The following HRC variants were observed in gnomAD, a reference collection of about 807,000 sequenced individuals.
The protein encoded by HRC is histidine rich calcium binding protein.
In HRC, 41 loss-of-function variants were observed where a neutral mutation model predicts 61.4. The observed-to-expected ratio is 0.67, with a 90% CI of 0.52 to 0.87. The LOEUF (loss-of-function observed/expected upper bound fraction) is 0.87. Among genes scored for constraint, HRC ranks in the 40% least tolerant of loss-of-function variants. The probability of loss-of-function intolerance (pLI) is 0.00; values close to 1 mark genes in which losing one functional copy is unlikely to be tolerated. For missense variants in HRC, 839 were observed against 885.8 expected (o/e 0.95, Z 0.67); for synonymous variants, 308 against 326.6 (o/e 0.94, Z 0.62).
In HRC at chr19:49,155,356, G is replaced by T; in HGVS notation, c.-119C>A. Reference sequence around the variant, plus strand: ...CTCTGTGTCTCTCCTTTGTCCTTTCGGTCTCTGTCCACCTTCCTCTGGTCC... The same window carrying T: ...CTCTGTGTCTCTCCTTTGTCCTTTCTGTCTCTGTCCACCTTCCTCTGGTCC... On this transcript the variant is annotated 5_prime_UTR_variant, in exon 1 of 6. Coordinates refer to ENST00000252825, the MANE Select transcript of HRC (RefSeq NM_002152.3). This position sits in a 1 kb window ranked among gnomAD's most constrained non-coding sequence, Gnocchi z 4.7. 1 of 1,362,992 alleles carries T rather than the reference G, an allele frequency of 7.3e-7. No individual in the cohort carries two copies. The highest frequency in any genetic ancestry group is 9.7e-7 in the Non-Finnish European group (1 of 1,034,610). The allele number at this position is 1,362,992 out of a possible 1,614,324, so 84.4% of individuals were successfully genotyped here.
rs538188854 is a variant in HRC, at chr19:49,151,308, C to G, written c.2088G>C (p.Thr696=). ...LYQALADMLE[T]PEP ...TCGAGCGACTGGGTCAGGGTTCCGG[C>G]GTTTCCAGCATGTCTGCCAGGGCCC... The change falls in exon 6 of 6, where the codon ACG becomes ACC. Residue 696 remains threonine, a synonymous_variant. Coordinates refer to ENST00000252825, the MANE Select transcript of HRC (RefSeq NM_002152.3). 13 of 1,557,768 alleles carry G rather than the reference C, an allele frequency of 8.3e-6. No individual in the cohort carries two copies. In the African/African-American group the frequency reaches 1.6e-4, roughly 20 times the overall value.
chr19:49,152,102 C>T (rs754597304), intron 3 of HRC, 44 bp from the exon 4 acceptor site: 20 of 1,579,270 alleles, frequency 1.3e-5, no homozygotes, highest in Non-Finnish European at 1.7e-5. Context: ...GGGGCGTGGC[C>T]GGGGGCGGAG....
In HRC at chr19:49,153,780, C is replaced by G; in HGVS notation, c.1458G>C (p.Lys486Asn). ...HLRKDDSEEE[K>N]EKEEDPGSHE... is the part of the protein sequence containing the mutation. ...GGGAGCCGGGGTCCTCTTCCTTCTCCTTTTCCTCCTCAGAATCATCCTTCC... is the reference window on the plus strand; with the variant it reads ...GGGAGCCGGGGTCCTCTTCCTTCTCGTTTTCCTCCTCAGAATCATCCTTCC... The change falls in exon 1 of 6, where the codon AAG (lysine) becomes AAC (asparagine). Residue 486 changes from lysine to asparagine, a missense_variant. Transcript: ENST00000252825. The surrounding 1 kb of genome is among the most constrained non-coding windows in gnomAD (Gnocchi z 4.8). 1 of 1,614,120 alleles carries G rather than the reference C, an allele frequency of 6.2e-7. No individual in the cohort carries two copies. The highest frequency in any genetic ancestry group is 1.3e-5 in the African/African-American group (1 of 75,022).
rs2041369435 is a variant in HRC, at chr19:49,152,351, A to G, written c.1930T>C (p.Cys644Arg). The change falls in exon 3 of 6, where the codon TGT (cysteine) becomes CGT (arginine). Residue 644 changes from cysteine to arginine, a missense_variant. Coordinates refer to ENST00000252825, the MANE Select transcript of HRC (RefSeq NM_002152.3). ...NRCTECESCH[C>R]DEENMGEHCD... ...TGCTCACCCATGTTCTCCTCATCAC[A>G]GTGACAGCTCTCACATTCAGTGCAT... 1 of 1,613,638 alleles carries G rather than the reference A, an allele frequency of 6.2e-7. No individual in the cohort carries two copies. Among genetic ancestry groups the G allele is most frequent in the African/African-American group, 1.3e-5 (1 of 74,868 alleles).
rs749165705 is a variant in HRC at position 49,154,822 on chromosome 19, C to A, written c.416G>T (p.Ser139Ile). 4 of 1,614,122 alleles carry A rather than the reference C, an allele frequency of 2.5e-6. No homozygotes were observed. Among genetic ancestry groups the A allele is most frequent in the Non-Finnish European group, 3.4e-6 (4 of 1,179,990 alleles). Residue 139 changes from serine to isoleucine, a missense_variant, in exon 1 of 6, where the codon AGT becomes ATT. Ser to Ile is a moderately radical substitution (Grantham distance 142). Coordinates refer to ENST00000252825, the MANE Select transcript of HRC (RefSeq NM_002152.3). ...GQARGHRGHG[S>I]EDTEDSAEHR... ...CTCAGCTGAGTCTTCCGTGTCTTCA[C>A]TCCCGTGGCCTCTGTGCCCACGGGC...
Position 49,153,846 on chromosome 19 carries a change from G to GT in HRC, c.1391dup (p.His464GlnfsTer11). On this transcript the variant is annotated frameshift_variant, in exon 1 of 6. Coordinates refer to ENST00000252825, the MANE Select transcript of HRC (RefSeq NM_002152.3). LOFTEE classifies it high-confidence loss of function. The surrounding 1 kb of genome is among the most constrained non-coding windows in gnomAD (Gnocchi z 4.8). ...CCTTGACCACTGTGTGTCCTGGGGG[G>GT]TGATGGCTCATCTCTTTGATGGACC... 1 of 1,614,040 alleles carries GT rather than the reference G, an allele frequency of 6.2e-7. No homozygotes were observed. Among genetic ancestry groups the GT allele is most frequent in the Middle Eastern group, 1.6e-4 (1 of 6,062 alleles).
In HRC at chr19:49,153,174, C is replaced by T. The variant is rs1219342561; in HGVS notation, c.1902+87G>A. Reference sequence around the variant, plus strand: ...CAGAACTGACCCTGGCCTGCCCTTGCTCTGAGCCCTCCCACAGCACCACCC... The same window carrying T: ...CAGAACTGACCCTGGCCTGCCCTTGTTCTGAGCCCTCCCACAGCACCACCC... On this transcript the variant is annotated intron_variant, in intron 2 of 5. Coordinates refer to ENST00000252825, the MANE Select transcript of HRC (RefSeq NM_002152.3). The surrounding 1 kb of genome is among the most constrained non-coding windows in gnomAD (Gnocchi z 4.8). 1.0e-6 allele frequency: 1 copy of T among 988,852 alleles called. No homozygotes were observed. The highest frequency in any genetic ancestry group is 1.6e-5 in the African/African-American group (1 of 62,794). 61.3% of individuals were successfully genotyped at this position (988,852 alleles called of 1,614,324 possible).
chr19:49,153,451 T>A lies in HRC; in HGVS notation c.1787A>T (p.Glu596Val), dbSNP rs1181638851. The A allele has an allele frequency of 2.5e-6, 4 of 1,603,528 alleles. No homozygotes were observed. Among genetic ancestry groups the A allele is most frequent in the Non-Finnish European group, 3.4e-6 (4 of 1,173,580 alleles). ...IIPNPLDRRE[E>V]AGGASSEEES... is the part of the protein sequence containing the mutation. ...CTCCTCGCTGGAGGCACCTCCAGCC[T>A]CCTCTCTCCTGTCCAGTGGGTTGGG... is the stretch of plus-strand genomic sequence containing the variant. The change falls in exon 1 of 6, where the codon GAG becomes GTG. Residue 596 changes from glutamate (E) to valine (V), a missense_variant. Glu to Val is a moderately radical substitution (Grantham distance 121). Coordinates refer to ENST00000252825, the MANE Select transcript of HRC (RefSeq NM_002152.3). The surrounding 1 kb of genome is among the most constrained non-coding windows in gnomAD (Gnocchi z 4.8).
At chr19:49,152,094 G>C in intron 3 of HRC, 36 bp from the exon 4 acceptor site, 1 of 1,592,028 alleles carries the variant, frequency 6.3e-7, no homozygotes, top group South Asian at 1.1e-5. Flanking sequence ...GTGAGCGTGG[G>C]GCGTGGCCGG....
rs1171022484 is a variant in HRC at position 49,154,228 on chromosome 19, T to C, written c.1010A>G (p.His337Arg). The change falls in exon 1 of 6, where the codon CAC (histidine) becomes CGC (arginine). Residue 337 changes from histidine (H) to arginine (R), a missense_variant. Physicochemically the swap from His to Arg is conservative, Grantham distance 29 (BLOSUM62 0). Coordinates refer to ENST00000252825, the MANE Select transcript of HRC (RefSeq NM_002152.3). ...EEVEAVSGEH[H>R]HHVPDHRHQG... ...GTGCCTGTGGTCAGGGACATGATGG[T>C]GGTGTTCACCTGAGACAGCCTCAAC... 3 of 1,613,738 alleles carry C rather than the reference T, an allele frequency of 1.9e-6. No homozygotes were observed. Among genetic ancestry groups the C allele is most frequent in the African/African-American group, 1.3e-5 (1 of 74,802 alleles).
Position 49,151,546 on chromosome 19 carries a change from G to T in HRC, c.2034C>A (p.Tyr678Ter). 1 of 1,613,692 alleles carries T rather than the reference G, an allele frequency of 6.2e-7. No individual in the cohort carries two copies. The highest frequency in any genetic ancestry group is 8.5e-7 in the Non-Finnish European group (1 of 1,179,990). The change falls in exon 5 of 6, where the codon TAC becomes TAA. Residue 678 changes from tyrosine (Y) to a stop codon, truncating the protein, a stop_gained. Transcript: ENST00000252825. LOFTEE classifies it high-confidence loss of function. ...AAAGGGACGAGGAGAAATAGTCAAC[G>T]TAGCTTCCTGTGGGACAGCAGAGAA... ...VCETVCAPGS[Y>*]VDYFSSSLYQ...
rs768251645 is a variant in HRC, at chr19:49,155,047, G to A, written c.191C>T (p.Pro64Leu). The part of the protein sequence containing the change: ...SAELRHHLHS[P>L]RDHPDENKDV... ...CTTGTTCTCATCTGGATGGTCTCTA[G>A]GGCTGTGGAGGTGGTGGCGAAGCTC... The change falls in exon 1 of 6, where the codon CCT (proline) becomes CTT (leucine). Residue 64 changes from proline to leucine, a missense_variant. Transcript: ENST00000252825. This position sits in a 1 kb window ranked among gnomAD's most constrained non-coding sequence, Gnocchi z 4.7. 2 of 1,614,130 alleles carry A rather than the reference G, an allele frequency of 1.2e-6. No homozygotes were observed. The highest frequency in any genetic ancestry group is 1.7e-6 in the Non-Finnish European group (2 of 1,180,024).
Position 49,155,396 on chromosome 19 carries a change from T to A in HRC, c.-159A>T. 1 of 1,085,906 alleles carries A rather than the reference T, an allele frequency of 9.2e-7. No individual in the cohort carries two copies. Among genetic ancestry groups the A allele is most frequent in the African/African-American group, 1.6e-5 (1 of 62,752 alleles). 67.3% of individuals were successfully genotyped at this position (1,085,906 alleles called of 1,614,324 possible). A position where few individuals can be genotyped will look rare whatever the true frequency, so the allele number is the denominator to read the frequency against. On this transcript the variant is annotated 5_prime_UTR_variant, in exon 1 of 6. Coordinates refer to ENST00000252825, the MANE Select transcript of HRC (RefSeq NM_002152.3). This position sits in a 1 kb window ranked among gnomAD's most constrained non-coding sequence, Gnocchi z 4.7. The stretch of plus-strand genomic sequence containing the variant: ...TCCTCTGGTCCTTGCTGCCTGGCTC[T>A]GGACACCCCTCTGAGGCTGTCTCCG...
At position 49,154,911 on chromosome 19, in the gene HRC, T is replaced by C; in HGVS notation, c.327A>G (p.Gln109=). 6.2e-7 allele frequency: 1 copy of C among 1,614,188 alleles called. No homozygotes were observed. The highest frequency in any genetic ancestry group is 8.5e-7 in the Non-Finnish European group (1 of 1,180,026). The part of the protein sequence containing the change: ...YGHLLPGHRS[Q]DHKVGDEGVS... ...CACCCTCATCTCCGACTTTGTGGTC[T>C]TGGGACCTGTGGCCTGGGAGTAGGT... The change falls in exon 1 of 6, where the codon CAA becomes CAG. Residue 109 remains glutamine (Q), a synonymous_variant. Transcript: ENST00000252825.
rs1279707457 is a variant in HRC at position 49,153,636 on chromosome 19, C to T, written c.1602G>A (p.Glu534=). The T allele has an allele frequency of 6.4e-7, 1 of 1,560,674 alleles. No individual in the cohort carries two copies. The highest frequency in any genetic ancestry group is 1.4e-5 in the African/African-American group (1 of 73,802). The stretch of plus-strand genomic sequence containing the variant: ...CCTCCTCCTTGTCTTCCTCTTCTTC[C>T]TCCTCCTGGTTCAGGCTGAGGCCAT... The part of the protein sequence containing the change: ...EGHGLSLNQE[E]EEEEDKEEEE... Residue 534 remains glutamate, a synonymous_variant, in exon 1 of 6, where the codon GAG becomes GAA. Coordinates refer to ENST00000252825, the MANE Select transcript of HRC (RefSeq NM_002152.3). The surrounding 1 kb of genome is among the most constrained non-coding windows in gnomAD (Gnocchi z 4.8).
Position 49,154,453 on chromosome 19 carries a change from A to ACAC in HRC, c.784_785insGTG (p.Asp261_Val262insGly), listed in dbSNP as rs778245363. 5 of 1,558,748 alleles carry ACAC rather than the reference A, an allele frequency of 3.2e-6. No individual in the cohort carries two copies. The highest frequency in any genetic ancestry group is 4.4e-6 in the Non-Finnish European group (5 of 1,147,094). On this transcript the variant is annotated inframe_insertion, in exon 1 of 6. Transcript: ENST00000252825. ...AGCCTGGTGTCTATATTCAATGGAG[A>ACAC]CATCATCATCATCATCATCATCATC...
chr19:49,152,073 G>A lies in HRC; in HGVS notation c.1972-15C>T, dbSNP rs1470546163. 4 of 1,613,174 alleles carry A rather than the reference G, an allele frequency of 2.5e-6. No individual in the cohort carries two copies. Among genetic ancestry groups the A allele is most frequent in the East Asian group, 2.2e-5 (1 of 44,894 alleles). On this transcript the variant is annotated splice_polypyrimidine_tract_variant and intron_variant, in intron 3 of 5. Transcript: ENST00000252825. The stretch of plus-strand genomic sequence containing the variant: ...AACTGACAGTGCTGGAGGCGGGGAC[G>A]GGGAGAGAGAGTGAGCGTGGGGCGT...
At position 49,154,231 on chromosome 19, in the gene HRC, T is replaced by C. The variant is rs201541763; in HGVS notation, c.1007A>G (p.His336Arg). The C allele has an allele frequency of 2.3e-5, 37 of 1,613,232 alleles. No individual in the cohort carries two copies. In the East Asian group the frequency reaches 7.6e-4, roughly 33 times the overall value. Reference sequence around the variant, plus strand: ...CCTGTGGTCAGGGACATGATGGTGGTGTTCACCTGAGACAGCCTCAACCTC... The same window carrying C: ...CCTGTGGTCAGGGACATGATGGTGGCGTTCACCTGAGACAGCCTCAACCTC... ...KEEVEAVSGE[H>R]HHHVPDHRHQ... The change falls in exon 1 of 6, where the codon CAC becomes CGC. Residue 336 changes from histidine to arginine, a missense_variant. Transcript: ENST00000252825.
chr19:49,153,241 G>A lies in HRC; in HGVS notation c.1902+20C>T. 1 of 1,600,342 alleles carries A rather than the reference G, an allele frequency of 6.2e-7. No homozygotes were observed. The highest frequency in any genetic ancestry group is 8.6e-7 in the Non-Finnish European group (1 of 1,167,752). ...GATTCTGGGGACACCTTGGTGGGTGGATCTGGGCTGGGGACATACATTGCA... is the reference window on the plus strand; with the variant it reads ...GATTCTGGGGACACCTTGGTGGGTGAATCTGGGCTGGGGACATACATTGCA... On this transcript the variant is annotated intron_variant, in intron 2 of 5. Transcript: ENST00000252825. The surrounding 1 kb of genome is among the most constrained non-coding windows in gnomAD (Gnocchi z 4.8).
Sources: gnomAD v4.1 joint callset for allele counts on GRCh38, gnomAD v4.1.1 for gene constraint, Gnocchi (gnomAD v3.1) non-coding constraint, MANE v1.5 for transcripts, NCBI Gene and HGNC (gene_info 2026-07-23, HGNC 2026-07-21) for gene names.